The following LDB2 variants were observed in gnomAD, a reference collection of about 807,000 sequenced individuals.
LDB2 encodes LIM domain-binding protein 2.
In LDB2, 12 loss-of-function variants were observed where a neutral mutation model predicts 44.3. The ratio of observed to expected loss-of-function variants is 0.27; its 90% CI spans 0.17 to 0.44. The LOEUF (loss-of-function observed/expected upper bound fraction) is 0.44, where lower values mean the gene tolerates loss of function less well. Among genes scored for constraint, LDB2 ranks in the 20% least tolerant of loss-of-function variants. LDB2 has a pLI of 1.00. For synonymous variants in LDB2, 164 were observed against 174.8 expected, an observed-to-expected ratio of 0.94 and a Z score of 0.49; for missense variants, 344 against 473.5, an observed-to-expected ratio of 0.73 and a Z score of 2.54.
chr4:16,811,052 A>C (rs1779761383), intron 1 of LDB2, among the ~76,000 whole-genome samples: 1 of 152,206 alleles, frequency 6.6e-6, no homozygotes, highest in African/African-American at 2.4e-5. Context: ...GATTCCTTGC[A>C]TGTGCAGTCC....
intron 6 of LDB2, 111 bp downstream of exon 6, chr4:16,511,870 G>C: frequency 8.1e-7 from 1 of 1,227,306 alleles, no homozygotes; most frequent in Non-Finnish European, 1.1e-6. Context: ...TCCCTAATAA[G>C]CTACTTGTCC....
chr4:16,857,535 C>T (rs1171806410), intron 1 of LDB2, among the ~76,000 whole-genome samples: 1 of 152,230 alleles, frequency 6.6e-6, no homozygotes, highest in African/African-American at 2.4e-5. Flanking sequence ...TCACCACAGC[C>T]TTCAAAGCCT....
Position 16,511,971 on chromosome 4 carries a change from G to C in LDB2, c.739+10C>G. 1 of 1,610,370 alleles carries C rather than the reference G, an allele frequency of 6.2e-7. No homozygotes were observed. Among genetic ancestry groups the C allele is most frequent in the African/African-American group, 1.3e-5 (1 of 74,806 alleles). On this transcript the variant is annotated intron_variant, in intron 6 of 7. Coordinates refer to ENST00000304523, the MANE Select transcript of LDB2 (RefSeq NM_001290.5). ...CGTGTTTAGAGAGAGAGTGAAGAAT[G>C]AGGGTGTACCTGGCGGAGCCACCAT...
At chr4:16,676,553 A>T (rs1260013178) in intron 2 of LDB2, among the ~76,000 whole-genome samples, 1 of 152,250 alleles carries the variant, frequency 6.6e-6, no homozygotes, top group Non-Finnish European at 1.5e-5. Flanking sequence ...AGAGGAAAAA[A>T]ATCTATCAAC....
At chr4:16,674,089 A>C (rs1745630423) in intron 2 of LDB2, 1 of 447,258 alleles carries the variant, frequency 2.2e-6, no homozygotes, top group African/African-American at 2.0e-5. Context: ...AACGCAACTG[A>C]AGCTGTGCTG....
At chr4:16,887,907 A>G (rs1024495859) in intron 1 of LDB2, among the ~76,000 whole-genome samples, 1 of 151,934 alleles carries the variant, frequency 6.6e-6, no homozygotes, top group Non-Finnish European at 1.5e-5. Context: ...TGTAGTGCCC[A>G]CTTGCATCTG....
At chr4:16,789,124 TGAG>T (rs1288860721) in intron 1 of LDB2, among the ~76,000 whole-genome samples, 2 of 152,070 alleles carry the variant, frequency 1.3e-5, no homozygotes, top group East Asian at 1.9e-4. Context: ...AGAGGTGGCC[TGAG>T]AAGATGCCAG....
At chr4:16,625,127 G>C (rs894443644) in intron 2 of LDB2, among the ~76,000 whole-genome samples, 1 of 152,068 alleles carries the variant, frequency 6.6e-6, no homozygotes, top group Admixed American at 6.6e-5. Flanking sequence ...GCATCCTCAT[G>C]CTATTTTCTC....
chr4:16,632,913 T>C (rs199802323), intron 2 of LDB2, among the ~76,000 whole-genome samples: 1 of 152,252 alleles, frequency 6.6e-6, no homozygotes, highest in East Asian at 1.9e-4. Context: ...GAAATACCAT[T>C]TGACCCAGCC....
intron 1 of LDB2, among the ~76,000 whole-genome samples, chr4:16,775,440 C>G (rs978514699): frequency 1.3e-5 from 2 of 152,004 alleles, no homozygotes; most frequent in Non-Finnish European, 2.9e-5. Flanking sequence ...TCTGCCTTCA[C>G]TGTAAAAAAT....
At chr4:16,719,030 C>T (rs1233834170) in intron 2 of LDB2, among the ~76,000 whole-genome samples, 2 of 150,170 alleles carry the variant, frequency 1.3e-5, no homozygotes, top group Non-Finnish European at 3.0e-5. Context: ...AATAAATAGG[C>T]ATATAAGAAG....
At chr4:16,694,643 TG>T (rs144463034) in intron 2 of LDB2, among the ~76,000 whole-genome samples, 7,765 of 152,168 alleles carry the variant, frequency 0.051, 249 homozygotes, top group Admixed American at 0.077. Context: ...AAACTTATGA[TG>T]GGGTGTGTGC....
chr4:16,652,187 T>C (rs1560762762), intron 2 of LDB2, among the ~76,000 whole-genome samples: 1 of 152,096 alleles, frequency 6.6e-6, no homozygotes, highest in Non-Finnish European at 1.5e-5. Flanking sequence ...CCTCAAGTGA[T>C]CCTCCCACCT....
intron 2 of LDB2, among the ~76,000 whole-genome samples, chr4:16,622,522 A>G (rs1000025497): frequency 7.2e-5 from 11 of 152,222 alleles, no homozygotes; most frequent in Non-Finnish European, 1.3e-4. Context: ...TATCAAGAAG[A>G]ACAACAGCTA....
Position 16,728,908 on chromosome 4 carries a change from C to T in LDB2, c.235+30250G>A, listed in dbSNP as rs369212584. On this transcript the variant is annotated intron_variant, in intron 2 of 7. Transcript: ENST00000304523. ...AAATGAGGCTCCACAAGACTTTTTG[C>T]CCAGGCAGCTTGCATGCAAATAAAG... is the stretch of plus-strand genomic sequence containing the variant. Among the ~76,000 whole-genome samples, 101 of 152,288 alleles carry T rather than the reference C, an allele frequency of 6.6e-4. 2 individuals carry two copies. The South Asian group carries it at 0.02, about 30-fold the overall frequency.
intron 2 of LDB2, among the ~76,000 whole-genome samples, chr4:16,667,709 C>T (rs1371101135): frequency 6.6e-6 from 1 of 152,216 alleles, no homozygotes; most frequent in Non-Finnish European, 1.5e-5. Context: ...GAGAAGGATT[C>T]AGAGGCATGC....
intron 5 of LDB2, among the ~76,000 whole-genome samples, chr4:16,579,052 G>A (rs1192008182): frequency 1.3e-5 from 2 of 152,182 alleles, no homozygotes; most frequent in African/African-American, 4.8e-5. Flanking sequence ...AAGGGTCAGG[G>A]TGGCGGAAAA....
intron 1 of LDB2, among the ~76,000 whole-genome samples, chr4:16,783,073 T>C (rs1036630095): frequency 6.6e-6 from 1 of 152,186 alleles, no homozygotes; most frequent in African/African-American, 2.4e-5. Context: ...ATGTGAAGAA[T>C]TTGAGGCGTA....
chr4:16,743,225 G>A (rs903812438), intron 2 of LDB2, among the ~76,000 whole-genome samples: 5 of 152,136 alleles, frequency 3.3e-5, no homozygotes, highest in African/African-American at 9.7e-5. Context: ...AGGAGGCGGA[G>A]TTTGCAGTGA....
Sources: gnomAD v4.1 joint callset for allele counts (sites outside exome capture counted in the v4.1 genomes callset) on GRCh38, gnomAD v4.1.1 for gene constraint, MANE v1.5 for transcripts, NCBI Gene and HGNC (gene_info 2026-07-23, HGNC 2026-07-21) for gene names.